SNX29: variants seen among roughly 807,000 people sequenced by gnomAD.
SNX29 encodes the protein sorting nexin-29.
Under a neutral mutation model 102.1 loss-of-function variants are expected in SNX29, and 78 were observed. The ratio of observed to expected loss-of-function variants is 0.76; its 90% CI spans 0.64 to 0.92. The LOEUF (loss-of-function observed/expected upper bound fraction) is 0.92, where lower values mean the gene tolerates loss of function less well. Ranked by LOEUF, SNX29 falls within the 40% of genes least tolerant of loss-of-function variation. The pLI is 0.00. For missense variants in SNX29, 1,280 were observed against 1,061.7 expected (o/e 1.21, Z -2.86); for synonymous variants, 580 against 414.5 (o/e 1.40, Z -4.85).
At chr16:12,562,753 G>C (rs2078800042) in intron 20 of SNX29, among the ~76,000 whole-genome samples, 1 of 152,116 alleles carries the variant, frequency 6.6e-6, no homozygotes, top group Admixed American at 6.6e-5. Context: ...AGTTCCTTGA[G>C]TTTTCACAAA....
At chr16:12,430,135 C>T (rs1039575051) in intron 18 of SNX29, among the ~76,000 whole-genome samples, 1 of 152,232 alleles carries the variant, frequency 6.6e-6, no homozygotes, top group African/African-American at 2.4e-5. Context: ...TTTCATGCTC[C>T]TTATGAGAAT....
In SNX29 at chr16:12,572,156, ATT is replaced by A; in HGVS notation, c.*3530_*3531del. ...CATACTTTGGAGCTTATTAAGATCA[ATT>A]TTGATAACCATGTAATTTCTTAGAA... is the stretch of plus-strand genomic sequence containing the variant. On this transcript the variant is annotated 3_prime_UTR_variant, in exon 21 of 21. Transcript: ENST00000566228. 1.0e-6 allele frequency: 1 copy of A among 989,324 alleles called. No homozygotes were observed. Among genetic ancestry groups the A allele is most frequent in the Non-Finnish European group, 1.2e-6 (1 of 810,614 alleles). 61.3% of individuals were successfully genotyped at this position (989,324 alleles called of 1,614,324 possible). A position where few individuals can be genotyped will look rare whatever the true frequency, so the allele number is the denominator to read the frequency against.
chr16:12,560,949 C>G, intron 20 of SNX29: 1 of 209,788 alleles, frequency 4.8e-6, no homozygotes, highest in Non-Finnish European at 9.7e-6. Context: ...TCCGGAGAAC[C>G]AGACCCAGAC....
At chr16:12,529,673 G>T (rs536334335) in intron 20 of SNX29, among the ~76,000 whole-genome samples, 1 of 151,842 alleles carries the variant, frequency 6.6e-6, no homozygotes, top group Admixed American at 6.6e-5. Context: ...GGTTTCCCCC[G>T]CCGCCGCCCC....
At chr16:12,354,768 A>C (rs2082084550) in intron 15 of SNX29, among the ~76,000 whole-genome samples, 1 of 152,200 alleles carries the variant, frequency 6.6e-6, no homozygotes, top group East Asian at 1.9e-4. Context: ...TAAAGGCCCA[A>C]AGACGATCGA....
At chr16:12,210,248 A>C (rs1305549864) in intron 14 of SNX29, among the ~76,000 whole-genome samples, 2 of 151,318 alleles carry the variant, frequency 1.3e-5, no homozygotes, top group Non-Finnish European at 2.9e-5. Flanking sequence ...ACATGCCTTT[A>C]CTTGCTGGAT....
chr16:12,377,364 C>T (rs1367112344), intron 16 of SNX29, among the ~76,000 whole-genome samples: 1 of 152,150 alleles, frequency 6.6e-6, no homozygotes. Flanking sequence ...CACCTGCAGA[C>T]CCAGGTTGTG....
At chr16:12,339,406 G>A (rs1036849705) in intron 15 of SNX29, among the ~76,000 whole-genome samples, 1 of 135,956 alleles carries the variant, frequency 7.4e-6, no homozygotes, top group Non-Finnish European at 1.5e-5. Context: ...ATTATGGGTA[G>A]TGAGTTTCTT....
At position 12,541,393 on chromosome 16, in the gene SNX29, C is replaced by T. The variant is rs139947729; in HGVS notation, c.2318+16552C>T. On this transcript the variant is annotated intron_variant, in intron 20 of 20. Transcript: ENST00000566228. ...TGAGGGCAGTTACCATGTGCAGGCT[C>T]ATTGTACAGATAAAGAAACTGAGGC... 8.5e-5 allele frequency among the ~76,000 whole-genome samples: 13 copies of T among 152,268 alleles called. No individual in the cohort carries two copies. In the East Asian group the frequency reaches 2.3e-3, roughly 27 times the overall value.
chr16:12,304,428 A>G (rs2080276519), intron 15 of SNX29, among the ~76,000 whole-genome samples: 1 of 152,212 alleles, frequency 6.6e-6, no homozygotes, highest in African/African-American at 2.4e-5. Flanking sequence ...GCACGCCACC[A>G]TGTCTGCTGT....
At chr16:12,147,673 C>A (rs943734862) in intron 13 of SNX29, among the ~76,000 whole-genome samples, 15 of 152,166 alleles carry the variant, frequency 9.9e-5, no homozygotes, top group African/African-American at 3.6e-4. Flanking sequence ...CAGTTTAACC[C>A]CCTTGACTTT....
intron 14 of SNX29, among the ~76,000 whole-genome samples, chr16:12,245,384 CTG>C (rs1022289904): frequency 1.4e-4 from 22 of 151,896 alleles, no homozygotes; most frequent in African/African-American, 5.1e-4. Flanking sequence ...CGCTCAGTAA[CTG>C]TGACTGCTAC....
intron 18 of SNX29, among the ~76,000 whole-genome samples, chr16:12,434,470 A>AT (rs987027350): frequency 1.3e-5 from 2 of 152,110 alleles, no homozygotes; most frequent in Admixed American, 6.5e-5. Context: ...ATGTTCATCC[A>AT]TTTTTTGTGT....
chr16:12,388,011 A>G (rs1362920875), intron 16 of SNX29, among the ~76,000 whole-genome samples: 1 of 152,220 alleles, frequency 6.6e-6, no homozygotes, highest in East Asian at 1.9e-4. Context: ...TAATGTTAAA[A>G]ATACACTCCA....
intron 14 of SNX29, among the ~76,000 whole-genome samples, chr16:12,265,247 C>T (rs1355417281): frequency 1.3e-5 from 2 of 152,176 alleles, no homozygotes; most frequent in Non-Finnish European, 2.9e-5. Context: ...GAAGTTTTCA[C>T]TGTCAAACTG....
At chr16:12,178,604 G>T (rs1036522654) in intron 13 of SNX29, among the ~76,000 whole-genome samples, 1 of 152,222 alleles carries the variant, frequency 6.6e-6, no homozygotes, top group Non-Finnish European at 1.5e-5. Context: ...TAGGCCTTCT[G>T]ACTTTTTGTA....
At chr16:12,151,617 T>C (rs2055305841) in intron 13 of SNX29, among the ~76,000 whole-genome samples, 1 of 152,238 alleles carries the variant, frequency 6.6e-6, no homozygotes, top group African/African-American at 2.4e-5. Context: ...GGACGGTTTC[T>C]TTTCAATTCC....
At chr16:12,430,244 G>A (rs775505623) in intron 18 of SNX29, among the ~76,000 whole-genome samples, 12 of 152,190 alleles carry the variant, frequency 7.9e-5, no homozygotes, top group Non-Finnish European at 1.6e-4. Flanking sequence ...CCACGAAATT[G>A]GTCCCTGGTG....
At chr16:12,019,165 G>A (rs999453150) in intron 3 of SNX29, among the ~76,000 whole-genome samples, 3 of 152,128 alleles carry the variant, frequency 2.0e-5, no homozygotes, top group Non-Finnish European at 4.4e-5. Context: ...TAGCAAATGA[G>A]TTAGGTTCAG....
Sources: allele counts gnomAD v4.1 joint callset (sites outside exome capture counted in the v4.1 genomes callset), GRCh38; gene constraint gnomAD v4.1.1; transcripts MANE v1.5; gene names NCBI Gene and HGNC (gene_info 2026-07-23, HGNC 2026-07-21).